MYO1E: variants seen among roughly 807,000 people sequenced by gnomAD.
The protein encoded by MYO1E is unconventional myosin-Ie.
MYO1E carries 68 observed loss-of-function variants against 151.1 expected under a neutral mutation model. The observed-to-expected ratio is 0.45, with a 90% confidence interval of 0.37 to 0.55. The LOEUF (loss-of-function observed/expected upper bound fraction) is 0.55, where lower values mean the gene tolerates loss of function less well. Ranked by LOEUF, MYO1E falls within the 20% of genes least tolerant of loss-of-function variation. MYO1E has a pLI of 0.00. For synonymous variants in MYO1E, 601 were observed against 501.7 expected (o/e 1.20, Z -2.64); for missense variants, 1,363 against 1,389.3 (o/e 0.98, Z 0.30).
intron 4 of MYO1E, among the ~76,000 whole-genome samples, chr15:59,248,814 G>C (rs1220114109): frequency 6.6e-6 from 1 of 152,186 alleles, no homozygotes; most frequent in Non-Finnish European, 1.5e-5. Context: ...ACTGCTGTGA[G>C]CTGATTTAGC....
intron 9 of MYO1E, among the ~76,000 whole-genome samples, chr15:59,222,332 G>C (rs2079961003): frequency 6.6e-6 from 1 of 152,186 alleles, no homozygotes; most frequent in African/African-American, 2.4e-5. Context: ...TCTGAGAGCA[G>C]CCTGCAAGCT....
intron 22 of MYO1E, among the ~76,000 whole-genome samples, chr15:59,168,153 A>G (rs1377661992): frequency 1.3e-5 from 2 of 152,224 alleles, no homozygotes; most frequent in African/African-American, 2.4e-5. Context: ...AACTAGACAT[A>G]TATCTGTATG....
chr15:59,153,481 T>C, intron 26 of MYO1E, 109 bp downstream of exon 26: 3 of 1,280,310 alleles, frequency 2.3e-6, no homozygotes, highest in Non-Finnish European at 3.4e-6. Flanking sequence ...GGTGGAAAAC[T>C]AAACCTTAGA....
At chr15:59,213,139 A>T (rs867465176) in intron 12 of MYO1E, among the ~76,000 whole-genome samples, 3,113 of 26,070 alleles carry the variant, frequency 0.12, 42 homozygotes, top group Non-Finnish European at 0.2. Context: ...CTATTTATTT[A>T]TTATTATTAT....
intron 1 of MYO1E, among the ~76,000 whole-genome samples, chr15:59,354,005 C>G (rs143689189): frequency 2.0e-5 from 3 of 152,292 alleles, no homozygotes; most frequent in East Asian, 1.9e-4. Flanking sequence ...ATTACTCTCA[C>G]TTTCTCTACC....
chr15:59,139,410 T>C (rs2079395067), intron 26 of MYO1E, among the ~76,000 whole-genome samples: 1 of 149,354 alleles, frequency 6.7e-6, no homozygotes, highest in Non-Finnish European at 1.5e-5. Flanking sequence ...TCCCTCATTA[T>C]TACTCCTCAC....
At chr15:59,357,199 C>A (rs895539833) in intron 1 of MYO1E, among the ~76,000 whole-genome samples, 3 of 151,964 alleles carry the variant, frequency 2.0e-5, no homozygotes, top group African/African-American at 4.8e-5. Context: ...AGCCACCGTG[C>A]CTGGTCCTCT....
At chr15:59,258,954 G>GTTTTTT (rs201872129) in intron 3 of MYO1E, among the ~76,000 whole-genome samples, 2 of 148,648 alleles carry the variant, frequency 1.3e-5, no homozygotes. Flanking sequence ...CCCCTCTCTT[G>GTTTTTT]TTTTTTTTTG....
chr15:59,298,435 C>T (rs763244128), intron 1 of MYO1E, among the ~76,000 whole-genome samples: 1 of 152,144 alleles, frequency 6.6e-6, no homozygotes, highest in Non-Finnish European at 1.5e-5. Flanking sequence ...ATCATGCATT[C>T]CTAGAAGCTG....
intron 1 of MYO1E, among the ~76,000 whole-genome samples, chr15:59,293,099 A>G (rs1328783673): frequency 2.6e-5 from 4 of 152,132 alleles, no homozygotes; most frequent in Admixed American, 6.5e-5. Flanking sequence ...TGAGTGGGAG[A>G]AAACAGTTTA....
intron 1 of MYO1E, among the ~76,000 whole-genome samples, chr15:59,344,599 C>T (rs1206150025): frequency 1.3e-5 from 2 of 152,210 alleles, no homozygotes; most frequent in African/African-American, 4.8e-5. Context: ...CAGGACAGCC[C>T]TGGGCCCAGG....
chr15:59,268,665 C>T (rs1433123801), intron 2 of MYO1E, among the ~76,000 whole-genome samples: 2 of 138,510 alleles, frequency 1.4e-5, no homozygotes, highest in Non-Finnish European at 3.0e-5. Context: ...GAAAGCTCTA[C>T]ACCAAGAGAT....
At chr15:59,255,635 C>T (rs564666291) in intron 4 of MYO1E, among the ~76,000 whole-genome samples, 11 of 152,098 alleles carry the variant, frequency 7.2e-5, no homozygotes, top group African/African-American at 2.2e-4. Context: ...CTGGGCCACA[C>T]TGGAAGAAGA....
intron 1 of MYO1E, among the ~76,000 whole-genome samples, chr15:59,328,557 C>T (rs1338906150): frequency 2.0e-5 from 3 of 151,966 alleles, no homozygotes; most frequent in Non-Finnish European, 2.9e-5. Context: ...ATTAGTATTA[C>T]TATACTTAGT....
intron 1 of MYO1E, among the ~76,000 whole-genome samples, chr15:59,324,319 A>C (rs962411955): frequency 6.6e-6 from 1 of 152,212 alleles, no homozygotes; most frequent in Non-Finnish European, 1.5e-5. Flanking sequence ...AAAAGGGAGA[A>C]TATCCAAAAG....
intron 1 of MYO1E, among the ~76,000 whole-genome samples, chr15:59,285,140 A>C (rs1376631353): frequency 2.0e-5 from 3 of 152,186 alleles, no homozygotes; most frequent in Non-Finnish European, 4.4e-5. Flanking sequence ...AAACTGATTA[A>C]AATCAACAGA....
chr15:59,151,541 C>T (rs1231012076), intron 26 of MYO1E, among the ~76,000 whole-genome samples: 15 of 152,194 alleles, frequency 9.9e-5, no homozygotes, highest in African/African-American at 2.7e-4. Flanking sequence ...TAGGAGAGAA[C>T]ATGGTAAAGC....
At chr15:59,355,938 C>T (rs996447346) in intron 1 of MYO1E, among the ~76,000 whole-genome samples, 8 of 152,086 alleles carry the variant, frequency 5.3e-5, no homozygotes, top group East Asian at 1.9e-4. Flanking sequence ...AGGCTGGTTT[C>T]GAATGCCTGG....
intron 1 of MYO1E, among the ~76,000 whole-genome samples, chr15:59,324,101 A>G (rs1194692758): frequency 1.3e-5 from 2 of 152,182 alleles, no homozygotes; most frequent in African/African-American, 4.8e-5. Context: ...TTGGCCACAA[A>G]TCATAAGTAA....
Sources: allele counts gnomAD v4.1 joint callset (sites outside exome capture counted in the v4.1 genomes callset), GRCh38; gene constraint gnomAD v4.1.1; transcripts MANE v1.5; gene names NCBI Gene and HGNC (gene_info 2026-07-23, HGNC 2026-07-21).